TTC28: variants seen among roughly 807,000 people sequenced by gnomAD.
TTC28 encodes the protein tetratricopeptide repeat protein 28.
In TTC28, 61 loss-of-function variants were observed where a neutral mutation model predicts 198.0. The ratio of observed to expected loss-of-function variants is 0.31; its 90% CI spans 0.25 to 0.38. TTC28 has a LOEUF of 0.38. Ranked by LOEUF, TTC28 falls within the 10% of genes least tolerant of loss-of-function variation. TTC28 has a pLI of 1.00. For synonymous variants in TTC28, 1,171 were observed against 1,297.8 expected (o/e 0.90, Z 2.10); for missense variants, 2,678 against 3,164.0 (o/e 0.85, Z 3.69).
intron 2 of TTC28, among the ~76,000 whole-genome samples, chr22:28,364,135 T>C (rs914202822): frequency 2.0e-5 from 3 of 152,104 alleles, no homozygotes; most frequent in East Asian, 1.9e-4. Context: ...TGAATTCCCA[T>C]GTGTTGTGGG....
At chr22:27,989,760 T>C (rs1937332810) in intron 21 of TTC28, 118 bp downstream of exon 21, 1 of 1,347,110 alleles carries the variant, frequency 7.4e-7, no homozygotes, top group Non-Finnish European at 1.0e-6. Context: ...GTTAACTGTT[T>C]TAAGATAATA....
chr22:28,547,129 T>A (rs749972040), intron 2 of TTC28, among the ~76,000 whole-genome samples: 1 of 152,218 alleles, frequency 6.6e-6, no homozygotes, highest in Non-Finnish European at 1.5e-5. Context: ...ATATTTTAAA[T>A]GGATGTTTTA....
chr22:28,538,251 A>AT (rs1357971429), intron 2 of TTC28, among the ~76,000 whole-genome samples: 2 of 151,822 alleles, frequency 1.3e-5, no homozygotes, highest in Non-Finnish European at 2.9e-5. Context: ...AGCCTGGCTA[A>AT]TTTTTTTTAT....
At position 27,983,351 on chromosome 22, in the gene TTC28, G is replaced by A; in HGVS notation, c.6316C>T (p.Pro2106Ser). The change falls in exon 23 of 23, where the codon CCA becomes TCA. Residue 2106 changes from proline (P) to serine (S), a missense_variant. Coordinates refer to ENST00000397906, the MANE Select transcript of TTC28 (RefSeq NM_001145418.2). ...SVSSKGSISTPNSPVKMTLIP... is the reference protein window; with the variant it reads ...SVSSKGSISTSNSPVKMTLIP... ...AGAGTCATTTTCACTGGAGAATTTGGAGTGCTGATGCTCCCTTTGGAGCTC... is the reference window on the plus strand; with the variant it reads ...AGAGTCATTTTCACTGGAGAATTTGAAGTGCTGATGCTCCCTTTGGAGCTC... 1.9e-6 allele frequency: 3 copies of A among 1,551,702 alleles called. No homozygotes were observed. In the South Asian group the frequency reaches 3.6e-5, roughly 18 times the overall value.
chr22:27,989,811 G>T, intron 21 of TTC28, 67 bp downstream of exon 21: 1 of 1,512,154 alleles, frequency 6.6e-7, no homozygotes, highest in Non-Finnish European at 8.9e-7. Flanking sequence ...ACAGAAACCA[G>T]GAGGAAAAAC....
Position 28,353,314 on chromosome 22 carries a change from T to G in TTC28, c.382-46671A>C, listed in dbSNP as rs191941544. 1.7e-3 allele frequency among the ~76,000 whole-genome samples: 266 copies of G among 152,256 alleles called. 1 individual carries two copies. The highest frequency in any genetic ancestry group is 6.1e-3 in the African/African-American group (252 of 41,552). On this transcript the variant is annotated intron_variant, in intron 2 of 22. Coordinates refer to ENST00000397906, the MANE Select transcript of TTC28 (RefSeq NM_001145418.2). ...TATTTTTAAAATTTAAATGAATGTA[T>G]GTATAAAAAGTAGACAGAACAAAAA...
At chr22:28,387,238 T>G (rs956577614) in intron 2 of TTC28, among the ~76,000 whole-genome samples, 5 of 152,360 alleles carry the variant, frequency 3.3e-5, no homozygotes, top group African/African-American at 1.2e-4. Context: ...TAATCCAGTC[T>G]ATCATCGTTG....
At chr22:28,324,343 T>C (rs1164733051) in intron 2 of TTC28, among the ~76,000 whole-genome samples, 2 of 151,826 alleles carry the variant, frequency 1.3e-5, no homozygotes, top group Non-Finnish European at 2.9e-5. Context: ...TCTGAAACTA[T>C]TCCAAACAAC....
intron 12 of TTC28, among the ~76,000 whole-genome samples, chr22:28,054,585 C>T (rs1469696331): frequency 5.3e-5 from 8 of 152,034 alleles, no homozygotes; most frequent in Admixed American, 6.6e-5. Flanking sequence ...CTCATCCACC[C>T]GCCATCTTGT....
intron 3 of TTC28, among the ~76,000 whole-genome samples, chr22:28,301,150 T>C (rs975849811): frequency 7.9e-5 from 12 of 152,180 alleles, no homozygotes; most frequent in African/African-American, 2.7e-4. Flanking sequence ...GATATACAAG[T>C]GGTAAGATAA....
In TTC28 at chr22:28,098,962, A is replaced by G; in HGVS notation, c.3500T>C (p.Leu1167Pro). ...STDYKLSLFD[L>P]QTSSYQALQR... ...CAAGGCCTGGTAGGATGATGTCTGC[A>G]GGTCAAAGAGGGAGAGTTTGTAGTC... The change falls in exon 10 of 23, where the codon CTG (leucine) becomes CCG (proline). Residue 1167 changes from leucine to proline, a missense_variant. Transcript: ENST00000397906. The G allele has an allele frequency of 6.4e-7, 1 of 1,551,840 alleles. No individual in the cohort carries two copies.
intron 2 of TTC28, among the ~76,000 whole-genome samples, chr22:28,612,380 G>A (rs763045917): frequency 6.6e-6 from 1 of 152,172 alleles, no homozygotes; most frequent in Non-Finnish European, 1.5e-5. Context: ...AAAAGTGAGA[G>A]ACTTTAATAC....
chr22:28,508,754 T>G (rs2048646343), intron 2 of TTC28, among the ~76,000 whole-genome samples: 1 of 152,068 alleles, frequency 6.6e-6, no homozygotes, highest in Non-Finnish European at 1.5e-5. Flanking sequence ...ACAAAGAGAC[T>G]TAGACTTTAG....
At chr22:28,237,201 T>A (rs1929314570) in intron 5 of TTC28, among the ~76,000 whole-genome samples, 1 of 152,170 alleles carries the variant, frequency 6.6e-6, no homozygotes, top group Non-Finnish European at 1.5e-5. Context: ...CCTTTTTCTT[T>A]CTCAATGGTT....
chr22:28,025,191 T>A (rs1487299036), intron 13 of TTC28, among the ~76,000 whole-genome samples: 1 of 152,170 alleles, frequency 6.6e-6, no homozygotes, highest in East Asian at 1.9e-4. Flanking sequence ...ATCTTTTGGA[T>A]CTTTTGAGTG....
intron 2 of TTC28, among the ~76,000 whole-genome samples, chr22:28,411,384 C>A (rs531422873): frequency 3.9e-5 from 6 of 152,102 alleles, no homozygotes; most frequent in Admixed American, 6.5e-5. Flanking sequence ...ATCTAGAGAT[C>A]TAAAAGAAAG....
chr22:28,384,723 T>A (rs1010851666), intron 2 of TTC28, among the ~76,000 whole-genome samples: 19 of 152,218 alleles, frequency 1.2e-4, no homozygotes, highest in African/African-American at 4.6e-4. Flanking sequence ...CATCTCTCCA[T>A]TTCCACTACC....
chr22:28,207,687 A>T lies in TTC28; in HGVS notation c.934-44088T>A, dbSNP rs1158353905. ...AGGATGGGCTTTAGAGACACTGGAGAGCTAACGCAGAGACATGATCCAGGG... is the reference window on the plus strand; with the variant it reads ...AGGATGGGCTTTAGAGACACTGGAGTGCTAACGCAGAGACATGATCCAGGG... On this transcript the variant is annotated intron_variant, in intron 5 of 22. Coordinates refer to ENST00000397906, the MANE Select transcript of TTC28 (RefSeq NM_001145418.2). 4.6e-5 allele frequency among the ~76,000 whole-genome samples: 7 copies of T among 152,256 alleles called. No homozygotes were observed. The South Asian group carries it at 1.0e-3, about 23-fold the overall frequency.
intron 5 of TTC28, among the ~76,000 whole-genome samples, chr22:28,242,798 A>G (rs1929753057): frequency 6.6e-6 from 1 of 152,108 alleles, no homozygotes; most frequent in Admixed American, 6.6e-5. Flanking sequence ...GACCAATAAT[A>G]TGAAAGAGGC....
Sources: gnomAD v4.1 joint callset for allele counts (sites outside exome capture counted in the v4.1 genomes callset) on GRCh38, gnomAD v4.1.1 for gene constraint, MANE v1.5 for transcripts, NCBI Gene and HGNC (gene_info 2026-07-23, HGNC 2026-07-21) for gene names.